The following CSMD1 variants were observed in gnomAD, a reference collection of about 807,000 sequenced individuals.
The protein encoded by CSMD1 is CUB and sushi domain-containing protein 1.
In CSMD1, 213 loss-of-function variants were observed where a neutral mutation model predicts 417.5. The observed-to-expected ratio is 0.51, with a 90% CI of 0.46 to 0.57. The LOEUF (loss-of-function observed/expected upper bound fraction) is 0.57. Ranked by LOEUF, CSMD1 falls within the 20% of genes least tolerant of loss-of-function variation. The pLI is 0.00. For missense variants in CSMD1, 6,923 were observed against 4,529.7 expected, an observed-to-expected ratio of 1.53 and a Z score of -15.17; for synonymous variants, 2,862 against 1,736.8, an observed-to-expected ratio of 1.65 and a Z score of -16.11.
intron 26 of CSMD1, among the ~76,000 whole-genome samples, chr8:3,271,009 T>A (rs1302480554): frequency 6.6e-6 from 1 of 151,956 alleles, no homozygotes; most frequent in African/African-American, 2.4e-5. Context: ...ACATGTGCCA[T>A]GCTGGTGCGC....
chr8:4,258,873 T>C (rs960657796), intron 3 of CSMD1, among the ~76,000 whole-genome samples: 1 of 152,202 alleles, frequency 6.6e-6, no homozygotes, highest in Non-Finnish European at 1.5e-5. Context: ...GTCTCATCTC[T>C]ACCTGGCCGT....
intron 1 of CSMD1, among the ~76,000 whole-genome samples, chr8:4,974,851 A>C (rs1372044036): frequency 6.6e-6 from 1 of 152,226 alleles, no homozygotes; most frequent in East Asian, 1.9e-4. Context: ...GTTATTAAGC[A>C]TTATAACTAT....
At chr8:4,758,659 T>G (rs1274404255) in intron 1 of CSMD1, among the ~76,000 whole-genome samples, 1 of 152,070 alleles carries the variant, frequency 6.6e-6, no homozygotes, top group Non-Finnish European at 1.5e-5. Context: ...AAACTTACAA[T>G]CATGGCAAAA....
At chr8:3,488,739 T>C (rs559203462) in intron 11 of CSMD1, among the ~76,000 whole-genome samples, 2 of 152,270 alleles carry the variant, frequency 1.3e-5, no homozygotes, top group East Asian at 1.9e-4. Flanking sequence ...TAACAATGGA[T>C]AGACTTCAAG....
chr8:4,648,584 G>C (rs1048873382), intron 1 of CSMD1, among the ~76,000 whole-genome samples: 3 of 151,894 alleles, frequency 2.0e-5, no homozygotes, highest in Non-Finnish European at 4.4e-5. Context: ...CAAAAAATGT[G>C]ATTTTTTTTT....
chr8:4,724,183 G>C (rs1035996880), intron 1 of CSMD1, among the ~76,000 whole-genome samples: 8 of 152,138 alleles, frequency 5.3e-5, no homozygotes, highest in Admixed American at 4.6e-4. Context: ...CTTTTCATGA[G>C]TTTTATGATA....
chr8:3,509,417 C>A (rs952310889), intron 10 of CSMD1, among the ~76,000 whole-genome samples: 1 of 152,164 alleles, frequency 6.6e-6, no homozygotes, highest in African/African-American at 2.4e-5. Flanking sequence ...ACAATTTTCT[C>A]AGGACAATGT....
At chr8:4,713,546 C>T (rs578156127) in intron 1 of CSMD1, among the ~76,000 whole-genome samples, 15 of 152,262 alleles carry the variant, frequency 9.9e-5, no homozygotes, top group East Asian at 9.7e-4. Context: ...GGACTACAGG[C>T]GGCTGCCACC....
intron 5 of CSMD1, among the ~76,000 whole-genome samples, chr8:3,965,601 A>T (rs982727762): frequency 6.6e-6 from 1 of 151,984 alleles, no homozygotes; most frequent in Non-Finnish European, 1.5e-5. Flanking sequence ...ATGATTTTTT[A>T]AAATTTCTTT....
intron 3 of CSMD1, among the ~76,000 whole-genome samples, chr8:4,376,582 C>T (rs1411638898): frequency 6.6e-6 from 1 of 151,968 alleles, no homozygotes; most frequent in Non-Finnish European, 1.5e-5. Flanking sequence ...GTTGTTACAA[C>T]ATTGAGTTAG....
intron 12 of CSMD1, among the ~76,000 whole-genome samples, chr8:3,419,485 C>G (rs2134569): frequency 0.89 from 135,303 of 152,144 alleles, 60,361 homozygotes; most frequent in Middle Eastern, 0.95. Context: ...TAAGCATATA[C>G]ACTGATTTTT....
chr8:3,988,094 A>AT (rs1050599835), intron 5 of CSMD1, among the ~76,000 whole-genome samples: 15 of 152,278 alleles, frequency 9.9e-5, no homozygotes, highest in East Asian at 1.9e-4. Flanking sequence ...AAATATTGTG[A>AT]TTTTTTTATA....
At chr8:3,634,797 G>A (rs545688701) in intron 7 of CSMD1, among the ~76,000 whole-genome samples, 1 of 152,138 alleles carries the variant, frequency 6.6e-6, no homozygotes, top group African/African-American at 2.4e-5. Flanking sequence ...TGCATCATGT[G>A]TCCTGAGAAA....
chr8:3,848,498 T>C (rs1244271145), intron 5 of CSMD1, among the ~76,000 whole-genome samples: 1 of 152,216 alleles, frequency 6.6e-6, no homozygotes, highest in Non-Finnish European at 1.5e-5. Flanking sequence ...ATTTATACTT[T>C]CCGATTTTAT....
chr8:3,689,898 A>T (rs565954962), intron 7 of CSMD1, among the ~76,000 whole-genome samples: 33 of 152,360 alleles, frequency 2.2e-4, no homozygotes, highest in African/African-American at 7.5e-4. Flanking sequence ...ATATTGATTC[A>T]AATTAAATAA....
chr8:4,497,440 T>C (rs1187477206), intron 2 of CSMD1, among the ~76,000 whole-genome samples: 5 of 152,242 alleles, frequency 3.3e-5, no homozygotes, highest in Admixed American at 3.3e-4. Flanking sequence ...TTTCAATTTA[T>C]GCATAACCTT....
At chr8:4,787,243 C>T (rs990106405) in intron 1 of CSMD1, 4 of 518,892 alleles carry the variant, frequency 7.7e-6, no homozygotes, top group Non-Finnish European at 1.1e-5. Flanking sequence ...GCCTCCTTCC[C>T]CGCCCAGAGA....
At chr8:3,310,288 G>C (rs58025701) in intron 23 of CSMD1, among the ~76,000 whole-genome samples, 2 of 152,118 alleles carry the variant, frequency 1.3e-5, no homozygotes, top group Non-Finnish European at 2.9e-5. Flanking sequence ...TTCTGTTTTC[G>C]CAGAGAGGAA....
chr8:3,101,285 A>C (rs1048593979), intron 46 of CSMD1, among the ~76,000 whole-genome samples: 4 of 152,100 alleles, frequency 2.6e-5, no homozygotes, highest in Admixed American at 6.5e-5. Context: ...TGTGTTTCCA[A>C]ACCTTTGTTA....
Sources: gnomAD v4.1 joint callset for allele counts (sites outside exome capture counted in the v4.1 genomes callset) on GRCh38, gnomAD v4.1.1 for gene constraint, MANE v1.5 for transcripts, NCBI Gene and HGNC (gene_info 2026-07-23, HGNC 2026-07-21) for gene names.